TDRD3: variants seen among roughly 807,000 people sequenced by gnomAD.
TDRD3 encodes the protein tudor domain containing 3, also known as tudor domain-containing protein 3.
Under a neutral mutation model 86.7 loss-of-function variants are expected in TDRD3, and 45 were observed. The observed-to-expected ratio is 0.52, with a 90% CI of 0.41 to 0.67. The LOEUF (loss-of-function observed/expected upper bound fraction) is 0.67, where lower values mean the gene tolerates loss of function less well. Among genes scored for constraint, TDRD3 ranks in the 30% least tolerant of loss-of-function variants. TDRD3 has a pLI of 0.00. For missense variants in TDRD3, 814 were observed against 889.0 expected (o/e 0.92, Z 1.07); for synonymous variants, 298 against 301.7 (o/e 0.99, Z 0.13).
At chr13:60,402,637 C>T (rs142148393) in intron 1 of TDRD3, among the ~76,000 whole-genome samples, 6,740 of 148,576 alleles carry the variant, frequency 0.045, 207 homozygotes, top group Non-Finnish European at 0.065. Flanking sequence ...GGAAAGGATT[C>T]GAATCATTAA....
At chr13:60,572,065 C>T (rs928454481) in intron 13 of TDRD3, among the ~76,000 whole-genome samples, 3 of 152,070 alleles carry the variant, frequency 2.0e-5, no homozygotes, top group East Asian at 1.9e-4. Context: ...AAACTTTGTG[C>T]GTTTGGAGAG....
At chr13:60,456,574 G>T (rs1412042330) in intron 3 of TDRD3, among the ~76,000 whole-genome samples, 1 of 152,008 alleles carries the variant, frequency 6.6e-6, no homozygotes, top group African/African-American at 2.4e-5. Context: ...GGGTGATCAA[G>T]ATTAATCCTT....
chr13:60,536,647 T>A (rs990614603), intron 12 of TDRD3: 11 of 152,136 alleles, frequency 7.2e-5, no homozygotes, highest in African/African-American at 2.4e-4. Context: ...AGTCAAAGAT[T>A]GAAAATACAA....
intron 7 of TDRD3, among the ~76,000 whole-genome samples, chr13:60,489,982 G>A (rs1373401307): frequency 6.7e-6 from 1 of 148,212 alleles, no homozygotes; most frequent in East Asian, 2.0e-4. Flanking sequence ...CTATTATAAT[G>A]TGCTTCTTTT....
intron 9 of TDRD3, 54 bp from the exon 10 acceptor site, chr13:60,510,576 T>C: frequency 6.9e-7 from 1 of 1,451,450 alleles, no homozygotes; most frequent in East Asian, 2.5e-5. Flanking sequence ...TTAGTATATA[T>C]TCTCTTTTTG....
chr13:60,442,603 G>T (rs1378570295), intron 2 of TDRD3, among the ~76,000 whole-genome samples: 1 of 152,020 alleles, frequency 6.6e-6, no homozygotes, highest in Non-Finnish European at 1.5e-5. Flanking sequence ...GGCATTTAAA[G>T]ATTTGGTAGA....
intron 12 of TDRD3, among the ~76,000 whole-genome samples, chr13:60,540,895 A>C (rs1259063686): frequency 6.6e-6 from 1 of 152,156 alleles, no homozygotes; most frequent in Non-Finnish European, 1.5e-5. Flanking sequence ...TCCCAAAGTG[A>C]AATAACATGA....
intron 12 of TDRD3, among the ~76,000 whole-genome samples, chr13:60,540,801 G>A (rs975206636): frequency 6.6e-6 from 1 of 151,878 alleles, no homozygotes; most frequent in South Asian, 2.1e-4. Flanking sequence ...AGGTTTCTGG[G>A]TATTCTGAGT....
intron 10 of TDRD3, among the ~76,000 whole-genome samples, chr13:60,527,528 G>A (rs1329121647): frequency 6.6e-6 from 1 of 152,126 alleles, no homozygotes; most frequent in Admixed American, 6.5e-5. Context: ...AGTATGTTTG[G>A]TAATCATGTT....
intron 10 of TDRD3, among the ~76,000 whole-genome samples, chr13:60,516,930 C>T (rs1041507956): frequency 6.6e-6 from 1 of 152,214 alleles, no homozygotes. Flanking sequence ...GCTTAAAATG[C>T]TCCATTGACT....
intron 3 of TDRD3, among the ~76,000 whole-genome samples, chr13:60,459,201 C>G (rs540799418): frequency 7.2e-5 from 11 of 152,116 alleles, no homozygotes; most frequent in African/African-American, 2.7e-4. Flanking sequence ...AAATATTTGT[C>G]TATCATTTCA....
chr13:60,419,026 T>C (rs1954592078), intron 1 of TDRD3, among the ~76,000 whole-genome samples: 2 of 152,196 alleles, frequency 1.3e-5, no homozygotes, highest in African/African-American at 2.4e-5. Context: ...TTATAAGTAT[T>C]TTTTGTGGAC....
chr13:60,540,595 G>T (rs1009980303), intron 12 of TDRD3, among the ~76,000 whole-genome samples: 1 of 152,040 alleles, frequency 6.6e-6, no homozygotes, highest in Non-Finnish European at 1.5e-5. Context: ...AAGCCTAACG[G>T]AATATTATGA....
At chr13:60,548,348 T>C (rs1957977533) in intron 12 of TDRD3, among the ~76,000 whole-genome samples, 1 of 152,142 alleles carries the variant, frequency 6.6e-6, no homozygotes, top group African/African-American at 2.4e-5. Context: ...CACACCTGGG[T>C]TCTGATCAAG....
At chr13:60,463,964 G>C (rs911272249) in intron 4 of TDRD3, among the ~76,000 whole-genome samples, 6 of 152,174 alleles carry the variant, frequency 3.9e-5, no homozygotes, top group African/African-American at 1.4e-4. Context: ...TAATGGCTTG[G>C]TGCCATCCTT....
intron 1 of TDRD3, among the ~76,000 whole-genome samples, chr13:60,405,043 T>C (rs1189536572): frequency 5.3e-5 from 8 of 152,230 alleles, no homozygotes; most frequent in Admixed American, 3.3e-4. Context: ...CTGCCATGAT[T>C]GTGAGGCCTC....
At chr13:60,500,152 G>GAA (rs1468496645) in intron 8 of TDRD3, among the ~76,000 whole-genome samples, 2 of 152,170 alleles carry the variant, frequency 1.3e-5, no homozygotes, top group Admixed American at 6.5e-5. Context: ...CTGTTACTGG[G>GAA]TTTTGGTGGA....
At chr13:60,424,766 C>T (rs911097051) in intron 1 of TDRD3, among the ~76,000 whole-genome samples, 3 of 152,352 alleles carry the variant, frequency 2.0e-5, no homozygotes, top group Non-Finnish European at 4.4e-5. Flanking sequence ...AATTCAAGAA[C>T]ATTTAACCCG....
At chr13:60,535,428 T>A in intron 12 of TDRD3, 195 bp downstream of exon 12, 1 of 475,204 alleles carries the variant, frequency 2.1e-6, no homozygotes, top group Non-Finnish European at 3.2e-6. Context: ...TGCATTGAAT[T>A]ACTTTTCTTG....
Sources: gnomAD v4.1 joint callset for allele counts (sites outside exome capture counted in the v4.1 genomes callset) on GRCh38, gnomAD v4.1.1 for gene constraint, MANE v1.5 for transcripts, NCBI Gene and HGNC (gene_info 2026-07-23, HGNC 2026-07-21) for gene names.